PCDHA1: variants seen among roughly 807,000 people sequenced by gnomAD.
PCDHA1 encodes protocadherin alpha 1.
Under a neutral mutation model 61.3 loss-of-function variants are expected in PCDHA1, and 42 were observed. The observed-to-expected ratio is 0.69, with a 90% CI of 0.54 to 0.89. PCDHA1 has a LOEUF of 0.89. Among genes scored for constraint, PCDHA1 ranks in the 40% least tolerant of loss-of-function variants. The pLI, the probability that PCDHA1 is intolerant of heterozygous loss-of-function variation, is 0.00. For missense variants in PCDHA1, 1,256 were observed against 1,235.3 expected, an observed-to-expected ratio of 1.02 and a Z score of -0.25; for synonymous variants, 610 against 553.8, an observed-to-expected ratio of 1.10 and a Z score of -1.43.
intron 3 of PCDHA1, among the ~76,000 whole-genome samples, chr5:141,007,850 C>A (rs1299909821): frequency 6.6e-6 from 1 of 152,156 alleles, no homozygotes; most frequent in Non-Finnish European, 1.5e-5. Context: ...GACTCAAAGT[C>A]CTTAAAGGTC....
chr5:140,981,698 A>C (rs1414640370), intron 2 of PCDHA1, among the ~76,000 whole-genome samples: 1 of 151,174 alleles, frequency 6.6e-6, no homozygotes, highest in Non-Finnish European at 1.5e-5. Context: ...TCATTCATTC[A>C]TTCATTCATT....
chr5:140,997,698 A>G (rs1587762890), intron 3 of PCDHA1, among the ~76,000 whole-genome samples: 4 of 145,560 alleles, frequency 2.7e-5, no homozygotes, highest in South Asian at 2.2e-4. Context: ...GTGTGTGTGT[A>G]TGTTAACAAA....
At position 140,787,323 on chromosome 5, in the gene PCDHA1, G is replaced by C; in HGVS notation, c.1033G>C (p.Asp345His). Residue 345 changes from aspartate (D) to histidine (H), a missense_variant, in exon 1 of 4, where the codon GAT (aspartate) becomes CAT (histidine). By Grantham distance (81) the Asp-to-His change is moderately conservative. Transcript: ENST00000504120. Reference protein sequence around the residue: ...KVLVKVLDVNDNAPELAVTSL... With the variant: ...KVLVKVLDVNHNAPELAVTSL... The stretch of plus-strand genomic sequence containing the variant: ...TTTGGTGAAAGTGCTGGATGTAAAT[G>C]ATAATGCTCCAGAACTGGCGGTCAC... The C allele has an allele frequency of 6.2e-7, 1 of 1,614,170 alleles. No homozygotes were observed. The highest frequency in any genetic ancestry group is 8.5e-7 in the Non-Finnish European group (1 of 1,179,998).
chr5:140,802,842 G>T (rs782279925), intron 1 of PCDHA1: 4 of 1,613,606 alleles, frequency 2.5e-6, no homozygotes, highest in Middle Eastern at 1.6e-4. Flanking sequence ...GGGCAGCAAC[G>T]TGACGCTGCA....
At chr5:140,796,799 A>T in intron 1 of PCDHA1, 1 of 1,614,146 alleles carries the variant, frequency 6.2e-7, no homozygotes, top group South Asian at 1.1e-5. Context: ...TACGAGCTTC[A>T]GCTGGGTACT....
intron 1 of PCDHA1, chr5:140,882,292 C>G (rs2059050033): frequency 1.2e-6 from 2 of 1,613,422 alleles, no homozygotes; most frequent in African/African-American, 1.3e-5. Flanking sequence ...GGCAAGGAGG[C>G]CCAAGACCGC....
intron 1 of PCDHA1, chr5:140,821,687 T>C: frequency 1.5e-6 from 2 of 1,378,436 alleles, no homozygotes; most frequent in Non-Finnish European, 2.0e-6. Flanking sequence ...GGCGATAATA[T>C]AAAAAATATA....
intron 3 of PCDHA1, among the ~76,000 whole-genome samples, chr5:140,987,294 C>A (rs1406567852): frequency 6.6e-6 from 1 of 152,004 alleles, no homozygotes; most frequent in Non-Finnish European, 1.5e-5. Context: ...AACAAGCCTT[C>A]TATGTGATAC....
intron 1 of PCDHA1, among the ~76,000 whole-genome samples, chr5:140,959,421 TTTG>T (rs1393541693): frequency 6.6e-6 from 1 of 152,102 alleles, no homozygotes; most frequent in East Asian, 1.9e-4. Flanking sequence ...GATCTGAGAA[TTTG>T]TGTATTTTTT....
At chr5:140,954,396 C>T (rs894225724) in intron 1 of PCDHA1, among the ~76,000 whole-genome samples, 3 of 152,176 alleles carry the variant, frequency 2.0e-5, no homozygotes, top group Admixed American at 1.3e-4. Context: ...TTTACAACCC[C>T]ACCAACAGGG....
At chr5:140,927,076 C>T (rs142317713) in intron 1 of PCDHA1, 7 of 1,611,008 alleles carry the variant, frequency 4.3e-6, no homozygotes, top group Non-Finnish European at 5.1e-6. Context: ...TTCCAGCCAC[C>T]GCGAGCTCTA....
chr5:140,795,944 C>T, intron 1 of PCDHA1: 2 of 1,613,824 alleles, frequency 1.2e-6, no homozygotes, highest in Non-Finnish European at 1.7e-6. Context: ...GACAAAGGAA[C>T]CCCTTCAATG....
intron 1 of PCDHA1, chr5:140,810,659 GT>G (rs1271991109): frequency 7.3e-6 from 1 of 137,198 alleles, no homozygotes; most frequent in African/African-American, 2.9e-5. Context: ...CTAGTCTGTT[GT>G]TTTTCTTTTC....
chr5:140,857,428 G>A lies in PCDHA1; in HGVS notation c.2394+68744G>A, dbSNP rs782142394. On this transcript the variant is annotated intron_variant, in intron 1 of 3. Coordinates refer to ENST00000504120, the MANE Select transcript of PCDHA1 (RefSeq NM_018900.4). ...CTGCGTTCGCGCAGTCCGAGTACACGGTGTTCGTGAAGGAGAACAACCCGC... is the reference window on the plus strand; with the variant it reads ...CTGCGTTCGCGCAGTCCGAGTACACAGTGTTCGTGAAGGAGAACAACCCGC... The A allele has an allele frequency of 3.8e-6, 6 of 1,598,456 alleles. 1 individual carries two copies. Among genetic ancestry groups the A allele is most frequent in the Non-Finnish European group, 5.1e-6 (6 of 1,167,860 alleles).
At chr5:140,985,648 C>G (rs185772569) in intron 3 of PCDHA1, among the ~76,000 whole-genome samples, 17 of 152,092 alleles carry the variant, frequency 1.1e-4, no homozygotes, top group African/African-American at 4.1e-4. Flanking sequence ...CCAACACTTG[C>G]AATGGCTGAA....
chr5:140,883,707 A>C, intron 1 of PCDHA1: 1 of 1,613,636 alleles, frequency 6.2e-7, no homozygotes. Context: ...GTGTCTGCTC[A>C]GGACGCGGAC....
At chr5:140,884,469 C>T (rs371718634) in intron 1 of PCDHA1, 1 of 1,613,766 alleles carries the variant, frequency 6.2e-7, no homozygotes, top group Admixed American at 1.7e-5. Flanking sequence ...GCGTGCGCGC[C>T]GGGCAAGCCC....
chr5:141,004,604 C>A (rs1282201587), intron 3 of PCDHA1, among the ~76,000 whole-genome samples: 1 of 152,176 alleles, frequency 6.6e-6, no homozygotes, highest in African/African-American at 2.4e-5. Context: ...GTGCTTAGGC[C>A]TCATGCAGAG....
intron 1 of PCDHA1, chr5:140,796,242 C>T (rs368800927): frequency 9.3e-6 from 15 of 1,614,150 alleles, no homozygotes; most frequent in Middle Eastern, 1.7e-4. Context: ...TGGTGGTGAC[C>T]GCACGGGACG....
Sources: gnomAD v4.1 joint callset for allele counts (sites outside exome capture counted in the v4.1 genomes callset) on GRCh38, gnomAD v4.1.1 for gene constraint, MANE v1.5 for transcripts, NCBI Gene and HGNC (gene_info 2026-07-23, HGNC 2026-07-21) for gene names.